The following REEP4 variants were observed in gnomAD, a reference collection of about 807,000 sequenced individuals.
REEP4 encodes the protein receptor expression-enhancing protein 4.
REEP4 carries 17 observed loss-of-function variants against 33.5 expected under a neutral mutation model. The observed-to-expected ratio is 0.51, with a 90% CI of 0.35 to 0.76. The LOEUF is 0.76. REEP4 is among the 30% of genes least tolerant of loss of function. The pLI, the probability that REEP4 is intolerant of heterozygous loss-of-function variation, is 0.01. For synonymous variants in REEP4, 157 were observed against 142.9 expected, an observed-to-expected ratio of 1.10 and a Z score of -0.70; for missense variants, 340 against 357.9, an observed-to-expected ratio of 0.95 and a Z score of 0.40.
intron 4 of REEP4, 140 bp downstream of exon 4, chr8:22,139,823 G>A: frequency 9.8e-7 from 1 of 1,020,804 alleles, no homozygotes; most frequent in Non-Finnish European, 1.4e-6. Flanking sequence ...AGGTAGGCTG[G>A]GCCCTGTCAA....
In REEP4 at chr8:22,140,526, A is replaced by T. The variant is rs1586399884; in HGVS notation, c.105+99T>A. ...TCTCTCCCTCCCCACTCCACTCAGG[A>T]TGTGCCACACAGCCTTGCCCCTGGA... On this transcript the variant is annotated intron_variant, in intron 2 of 7. Transcript: ENST00000306306. The T allele has an allele frequency of 2.3e-5, 24 of 1,063,844 alleles. No individual in the cohort carries two copies. In the East Asian group the frequency reaches 5.7e-4, roughly 25 times the overall value. The allele number at this position is 1,063,844 out of a possible 1,614,324, so 65.9% of individuals were successfully genotyped here. A position where few individuals can be genotyped will look rare whatever the true frequency, so the allele number is the denominator to read the frequency against.
Position 22,139,010 on chromosome 8 carries a change from G to C in REEP4, c.469C>G (p.Arg157Gly), listed in dbSNP as rs371773415. Residue 157 changes from arginine (R) to glycine (G), a missense_variant, in exon 6 of 8, where the codon CGC becomes GGC. By Grantham distance (125) the Arg-to-Gly change is moderately radical. Coordinates refer to ENST00000306306, the MANE Select transcript of REEP4 (RefSeq NM_025232.4). ...GGGGCAGGTGCGTCAGAGATGGAGC[G>C]CAGGTCCTGCATGGAGAAGCTCCGC... ...RLRSFSMQDL[R>G]SISDAPAPAY... The C allele has an allele frequency of 6.2e-7, 1 of 1,604,938 alleles. No individual in the cohort carries two copies.
chr8:22,139,016 C>G lies in REEP4; in HGVS notation c.463G>C (p.Asp155His), dbSNP rs776866821. The G allele has an allele frequency of 3.7e-6, 6 of 1,602,980 alleles. No individual in the cohort carries two copies. Among genetic ancestry groups the G allele is most frequent in the Non-Finnish European group, 5.1e-6 (6 of 1,175,146 alleles). ...AGRLRSFSMQDLRSISDAPAP... is the reference protein window; with the variant it reads ...AGRLRSFSMQHLRSISDAPAP... ...GGTGCGTCAGAGATGGAGCGCAGGT[C>G]CTGCATGGAGAAGCTCCGCAGCCTG... The change falls in exon 6 of 8, where the codon GAC (aspartate) becomes CAC (histidine). Residue 155 changes from aspartate to histidine, a missense_variant. Coordinates refer to ENST00000306306, the MANE Select transcript of REEP4 (RefSeq NM_025232.4).
chr8:22,140,343 G>C lies in REEP4; in HGVS notation c.106-95C>G. The stretch of plus-strand genomic sequence containing the variant: ...CCAGAGATTCCAGGGAGCCTGTCCG[G>C]CTGCATAGCTGCTTTCCCCCACACA... On this transcript the variant is annotated intron_variant, in intron 2 of 7. Coordinates refer to ENST00000306306, the MANE Select transcript of REEP4 (RefSeq NM_025232.4). The C allele has an allele frequency of 7.3e-6, 9 of 1,227,408 alleles. No homozygotes were observed. In the Admixed American group the frequency reaches 1.6e-4, roughly 22 times the overall value. The allele number at this position is 1,227,408 out of a possible 1,614,324, so 76.0% of individuals were successfully genotyped here. A position where few individuals can be genotyped will look rare whatever the true frequency, so the allele number is the denominator to read the frequency against.
At chr8:22,139,160 A>G in intron 5 of REEP4, 99 bp from the exon 6 acceptor site, 2 of 1,478,206 alleles carry the variant, frequency 1.4e-6, no homozygotes, top group Non-Finnish European at 1.8e-6. Flanking sequence ...ACTGCTCAGC[A>G]AGCTTCTGGC....
In REEP4 at chr8:22,138,101, G is replaced by T. The variant is rs1168114009; in HGVS notation, c.*386C>A. On this transcript the variant is annotated 3_prime_UTR_variant, in exon 8 of 8. Coordinates refer to ENST00000306306, the MANE Select transcript of REEP4 (RefSeq NM_025232.4). Reference sequence around the variant, plus strand: ...ACACACACACACAACCAGGACACATGTGCCAGGCCTTATGAAAGGCTATCA... The same window carrying T: ...ACACACACACACAACCAGGACACATTTGCCAGGCCTTATGAAAGGCTATCA... The T allele has an allele frequency of 5.3e-6, 3 of 566,778 alleles. No homozygotes were observed. The highest frequency in any genetic ancestry group is 9.5e-6 in the Non-Finnish European group (3 of 315,610). 35.1% of individuals were successfully genotyped at this position (566,778 alleles called of 1,614,324 possible). A position where few individuals can be genotyped will look rare whatever the true frequency, so the allele number is the denominator to read the frequency against.
chr8:22,138,741 T>C lies in REEP4; in HGVS notation c.606A>G (p.Ser202=), dbSNP rs1270291084. The C allele has an allele frequency of 9.9e-6, 16 of 1,611,956 alleles. No homozygotes were observed. The highest frequency in any genetic ancestry group is 2.2e-5 in the East Asian group (1 of 44,860). Residue 202 remains serine, a synonymous_variant, in exon 7 of 8, where the codon TCA becomes TCG. Coordinates refer to ENST00000306306, the MANE Select transcript of REEP4 (RefSeq NM_025232.4). ...GCGCCCGGGGGACTGCCTCAGTATC[T>C]GACCAACACTCATCCTCGGTGTCGC... The part of the protein sequence containing the change: ...QDSDTEDECW[S]DTEAVPRAPA...
intron 5 of REEP4, 169 bp from the exon 6 acceptor site, chr8:22,139,230 G>T: frequency 9.8e-7 from 1 of 1,020,440 alleles, no homozygotes; most frequent in Non-Finnish European, 1.5e-6. Context: ...CGCTGCTTAC[G>T]CTCAGTGCCA....
Position 22,140,203 on chromosome 8 carries a change from C to A in REEP4, c.151G>T (p.Ala51Ser). 3 of 1,614,170 alleles carry A rather than the reference C, an allele frequency of 1.9e-6. No homozygotes were observed. Among genetic ancestry groups the A allele is most frequent in the Non-Finnish European group, 2.5e-6 (3 of 1,180,040 alleles). The change falls in exon 3 of 8, where the codon GCA becomes TCA. Residue 51 changes from alanine to serine, a missense_variant. Physicochemically the swap from Ala to Ser is moderately conservative, Grantham distance 99. Transcript: ENST00000306306. ...YWIVFALFMA[A>S]EIVTDIFISW... ...ATAAAAATGTCTGTAACGATCTCTG[C>A]TGCCATGAAGAGTGCAAAAACAATC...
Position 22,141,506 on chromosome 8 carries a change from G to A in REEP4, c.-24C>T. 1 of 1,589,666 alleles carries A rather than the reference G, an allele frequency of 6.3e-7. No homozygotes were observed. The highest frequency in any genetic ancestry group is 8.6e-7 in the Non-Finnish European group (1 of 1,169,222). ...ATCTTGCCGGCCTTTGGGACGTGGG[G>A]AGGACCCCAGGAAGCCGCTCAGAAG... is the stretch of plus-strand genomic sequence containing the variant. On this transcript the variant is annotated 5_prime_UTR_variant, in exon 1 of 8. Coordinates refer to ENST00000306306, the MANE Select transcript of REEP4 (RefSeq NM_025232.4).
chr8:22,140,119 C>T, intron 3 of REEP4, 36 bp from the exon 4 acceptor site: 1 of 1,614,110 alleles, frequency 6.2e-7, no homozygotes, highest in Non-Finnish European at 8.5e-7. Context: ...AGCCAAGGAG[C>T]AGGGCTGGGG....
chr8:22,138,210 G>T lies in REEP4; in HGVS notation c.*277C>A, dbSNP rs1359538956. 6.3e-6 allele frequency: 4 copies of T among 630,742 alleles called. No homozygotes were observed. The highest frequency in any genetic ancestry group is 2.4e-5 in the Admixed American group (1 of 41,896). The allele number at this position is 630,742 out of a possible 1,614,324, so 39.1% of individuals were successfully genotyped here. The stretch of plus-strand genomic sequence containing the variant: ...CAGGGGTTCAGGGAGGGTTGCAGGG[G>T]TTCAGGGAGGGCTCTTGTCCCACAA... On this transcript the variant is annotated 3_prime_UTR_variant, in exon 8 of 8. Transcript: ENST00000306306.
intron 5 of REEP4, 157 bp downstream of exon 5, chr8:22,139,259 T>C: frequency 1.1e-6 from 1 of 938,152 alleles, no homozygotes; most frequent in Non-Finnish European, 1.7e-6. Context: ...AAGGAAGGTC[T>C]GACTCCAGCT....
chr8:22,139,286 AC>A (rs541330701), intron 5 of REEP4, 129 bp downstream of exon 5: 154 of 930,854 alleles, frequency 1.7e-4, no homozygotes, highest in East Asian at 1.4e-3. Flanking sequence ...TTCTGCCAAT[AC>A]CCCCCCGTCA....
intron 3 of REEP4, 28 bp downstream of exon 3, chr8:22,140,144 C>T (rs1483908136): frequency 3.7e-6 from 6 of 1,613,832 alleles, no homozygotes; most frequent in Middle Eastern, 1.6e-4. Context: ...CACCCCTGAC[C>T]CATGGCTTGC....
At chr8:22,140,472 A>T in intron 2 of REEP4, 153 bp downstream of exon 2, 1 of 832,584 alleles carries the variant, frequency 1.2e-6, no homozygotes, top group Non-Finnish European at 2.0e-6. Flanking sequence ...CCTGCCCTCT[A>T]TCTACACCCT....
Position 22,141,487 on chromosome 8 carries a change from C to T in REEP4, c.-5G>A, listed in dbSNP as rs769280260. 3.1e-6 allele frequency: 5 copies of T among 1,589,312 alleles called. No homozygotes were observed. In the African/African-American group the frequency reaches 6.8e-5, roughly 22 times the overall value. ...ACAGATCATCCAGGACACCATCTTGCCGGCCTTTGGGACGTGGGGAGGACC... is the reference window on the plus strand; with the variant it reads ...ACAGATCATCCAGGACACCATCTTGTCGGCCTTTGGGACGTGGGGAGGACC... On this transcript the variant is annotated 5_prime_UTR_variant, in exon 1 of 8. Transcript: ENST00000306306.
chr8:22,140,731 C>G (rs1178999903), intron 1 of REEP4, 34 bp from the exon 2 acceptor site: 1 of 1,567,608 alleles, frequency 6.4e-7, no homozygotes, highest in Non-Finnish European at 8.7e-7. Flanking sequence ...GTGAGGGGCA[C>G]CATGCCCCAC....
Position 22,138,343 on chromosome 8 carries a change from C to T in REEP4, c.*144G>A. The T allele has an allele frequency of 2.1e-6, 2 of 953,650 alleles. No homozygotes were observed. The highest frequency in any genetic ancestry group is 3.3e-6 in the Non-Finnish European group (2 of 610,242). The allele number at this position is 953,650 out of a possible 1,614,324, so 59.1% of individuals were successfully genotyped here. A position where few individuals can be genotyped will look rare whatever the true frequency, so the allele number is the denominator to read the frequency against. On this transcript the variant is annotated 3_prime_UTR_variant, in exon 8 of 8. Transcript: ENST00000306306. ...CATGTGGCCTTGGCAGCATCTGCTC[C>T]CGGCCCTTAACCATCAGCAGGAGTC...
Sources: allele counts gnomAD v4.1 joint callset, GRCh38; gene constraint gnomAD v4.1.1; transcripts MANE v1.5; gene names NCBI Gene and HGNC (gene_info 2026-07-23, HGNC 2026-07-21).